KCND2: variants seen among roughly 807,000 people sequenced by gnomAD.
KCND2 encodes A-type voltage-gated potassium channel KCND2.
Under a neutral mutation model 54.4 loss-of-function variants are expected in KCND2, and 16 were observed. The ratio of observed to expected loss-of-function variants is 0.29; its 90% confidence interval spans 0.20 to 0.45. KCND2 has a LOEUF of 0.45. Ranked by LOEUF, KCND2 falls within the 20% of genes least tolerant of loss-of-function variation. The pLI is 1.00. For synonymous variants in KCND2, 317 were observed against 310.7 expected (o/e 1.02, Z -0.21); for missense variants, 486 against 824.2 (o/e 0.59, Z 5.02).
chr7:120,618,869 G>A (rs952163419), intron 1 of KCND2, among the ~76,000 whole-genome samples: 1 of 151,764 alleles, frequency 6.6e-6, no homozygotes, highest in African/African-American at 2.4e-5. Flanking sequence ...TTAGAGATGA[G>A]GTCTTACTGT....
chr7:120,559,648 C>T (rs566496496), intron 1 of KCND2, among the ~76,000 whole-genome samples: 1 of 152,126 alleles, frequency 6.6e-6, no homozygotes, highest in Non-Finnish European at 1.5e-5. Flanking sequence ...GGAAATGAAA[C>T]AGCATGTTTG....
chr7:120,646,833 C>T (rs945931996), intron 1 of KCND2, among the ~76,000 whole-genome samples: 1 of 152,186 alleles, frequency 6.6e-6, no homozygotes, highest in African/African-American at 2.4e-5. Flanking sequence ...ATATTTTCTA[C>T]TAGTGAAAGT....
chr7:120,364,491 A>G (rs554806828), intron 1 of KCND2, among the ~76,000 whole-genome samples: 31 of 152,302 alleles, frequency 2.0e-4, no homozygotes, highest in African/African-American at 7.0e-4. Context: ...ATCCAGTGGT[A>G]CTTGGTAAAA....
chr7:120,391,978 T>G (rs1230257692), intron 1 of KCND2, among the ~76,000 whole-genome samples: 3 of 152,136 alleles, frequency 2.0e-5, no homozygotes, highest in Non-Finnish European at 2.9e-5. Context: ...GTTTTATTCA[T>G]GCAATCTTTG....
chr7:120,548,697 C>A (rs1259510475), intron 1 of KCND2, among the ~76,000 whole-genome samples: 2 of 152,122 alleles, frequency 1.3e-5, no homozygotes, highest in African/African-American at 4.8e-5. Context: ...TTGTAGCTTT[C>A]CCTCAGGAAG....
chr7:120,481,878 G>A (rs990219235), intron 1 of KCND2, among the ~76,000 whole-genome samples: 5 of 152,190 alleles, frequency 3.3e-5, no homozygotes, highest in African/African-American at 1.2e-4. Flanking sequence ...CAGGTAGTAT[G>A]GGGGTTTAGG....
intron 1 of KCND2, among the ~76,000 whole-genome samples, chr7:120,725,880 C>A (rs1792727722): frequency 6.6e-6 from 1 of 152,098 alleles, no homozygotes; most frequent in African/African-American, 2.4e-5. Context: ...TCATGGAGTT[C>A]CCTGACTCCC....
At chr7:120,430,245 C>G (rs2116162212) in intron 1 of KCND2, among the ~76,000 whole-genome samples, 1 of 152,244 alleles carries the variant, frequency 6.6e-6, no homozygotes, top group Admixed American at 6.5e-5. Flanking sequence ...CCTCACATGG[C>G]CTTTTCTCTT....
chr7:120,350,655 A>C (rs903531306), intron 1 of KCND2, among the ~76,000 whole-genome samples: 1 of 152,198 alleles, frequency 6.6e-6, no homozygotes, highest in Non-Finnish European at 1.5e-5. Flanking sequence ...GTGAATTTTT[A>C]ATCAGTGCAT....
chr7:120,728,299 TAA>T (rs369068748), intron 1 of KCND2, among the ~76,000 whole-genome samples: 12 of 146,260 alleles, frequency 8.2e-5, no homozygotes, highest in South Asian at 2.2e-4. Flanking sequence ...TTTTTTTTTT[TAA>T]AAATTTTGAG....
chr7:120,352,369 T>C (rs906443547), intron 1 of KCND2, among the ~76,000 whole-genome samples: 1 of 151,866 alleles, frequency 6.6e-6, no homozygotes, highest in African/African-American at 2.4e-5. Context: ...TATGTATGTA[T>C]ATACATACAT....
intron 1 of KCND2, among the ~76,000 whole-genome samples, chr7:120,568,715 CTCTG>C (rs1342978303): frequency 6.6e-6 from 1 of 152,014 alleles, no homozygotes; most frequent in African/African-American, 2.4e-5. Context: ...ATTGCTAAAC[CTCTG>C]TCTGTCTTCA....
intron 1 of KCND2, among the ~76,000 whole-genome samples, chr7:120,409,910 A>C (rs73433844): frequency 0.027 from 4,115 of 151,894 alleles, 169 homozygotes; most frequent in African/African-American, 0.091. Context: ...ACAGTTTATC[A>C]TTTTTTGTTT....
At chr7:120,392,439 G>A in intron 1 of KCND2, among the ~76,000 whole-genome samples, 1 of 138,396 alleles carries the variant, frequency 7.2e-6, no homozygotes, top group East Asian at 2.1e-4. Context: ...AGTTTTTTTT[G>A]TTTTTTTTTT....
chr7:120,365,801 T>C (rs1800668823), intron 1 of KCND2, among the ~76,000 whole-genome samples: 1 of 152,120 alleles, frequency 6.6e-6, no homozygotes, highest in South Asian at 2.1e-4. Context: ...GCTCTATGGA[T>C]AGTGTTAATG....
At chr7:120,668,902 G>A (rs1212486741) in intron 1 of KCND2, among the ~76,000 whole-genome samples, 2 of 151,742 alleles carry the variant, frequency 1.3e-5, no homozygotes, top group Non-Finnish European at 2.9e-5. Context: ...TTGTTATCTA[G>A]GACCAGTTAC....
intron 1 of KCND2, among the ~76,000 whole-genome samples, chr7:120,683,911 A>C (rs1248580884): frequency 1.3e-5 from 2 of 152,144 alleles, no homozygotes; most frequent in Non-Finnish European, 2.9e-5. Context: ...AATGGTAGGA[A>C]AGGCACAGTA....
chr7:120,521,759 G>A (rs1791695921), intron 1 of KCND2, among the ~76,000 whole-genome samples: 1 of 152,094 alleles, frequency 6.6e-6, no homozygotes, highest in Non-Finnish European at 1.5e-5. Context: ...ATATATGTGA[G>A]TGTGTATATA....
In KCND2 at chr7:120,447,366, GA is replaced by G. The variant is rs548389764; in HGVS notation, c.1115+171629del. ...TTTGTACCCTGGTGAAAAAAAAAAA[GA>G]AAAAAAAAAGAAAAAGAAAAAGAAA... On this transcript the variant is annotated intron_variant, in intron 1 of 5. Coordinates refer to ENST00000331113, the MANE Select transcript of KCND2 (RefSeq NM_012281.3). 4.7e-3 allele frequency among the ~76,000 whole-genome samples: 643 copies of G among 137,790 alleles called. 4 individuals carry two copies. The highest frequency in any genetic ancestry group is 0.015 in the African/African-American group (556 of 37,588). 90.4% of individuals were successfully genotyped at this position (137,790 alleles called of 152,430 possible).
Sources: allele counts gnomAD v4.1 joint callset (sites outside exome capture counted in the v4.1 genomes callset), GRCh38; gene constraint gnomAD v4.1.1; transcripts MANE v1.5; gene names NCBI Gene and HGNC (gene_info 2026-07-23, HGNC 2026-07-21).